RAPGEF5: variants seen among roughly 807,000 people sequenced by gnomAD.
RAPGEF5 encodes the protein Rap guanine nucleotide exchange factor 5, also known as M-Ras-regulated GEF.
RAPGEF5 carries 65 observed loss-of-function variants against 125.2 expected under a neutral mutation model. The observed-to-expected ratio is 0.52, with a 90% confidence interval of 0.43 to 0.64. RAPGEF5 has a LOEUF of 0.64. Among genes scored for constraint, RAPGEF5 ranks in the 30% least tolerant of loss-of-function variants. RAPGEF5 has a pLI of 0.00. For synonymous variants in RAPGEF5, 391 were observed against 385.9 expected, an observed-to-expected ratio of 1.01 and a Z score of -0.16; for missense variants, 958 against 1,048.1, an observed-to-expected ratio of 0.91 and a Z score of 1.19.
At chr7:22,160,419 A>C in intron 14 of RAPGEF5, 99 bp downstream of exon 14, 1 of 1,150,390 alleles carries the variant, frequency 8.7e-7, no homozygotes, top group Non-Finnish European at 1.2e-6. Flanking sequence ...CTGAGTCAAA[A>C]TGTTCAAAAT....
intron 7 of RAPGEF5, among the ~76,000 whole-genome samples, chr7:22,257,012 C>T (rs578025180): frequency 1.4e-4 from 22 of 152,264 alleles, no homozygotes; most frequent in East Asian, 5.8e-4. Context: ...ATAAAACCTA[C>T]ACTGATTGGC....
At chr7:22,326,117 T>C (rs1783809700) in intron 1 of RAPGEF5, among the ~76,000 whole-genome samples, 2 of 152,024 alleles carry the variant, frequency 1.3e-5, no homozygotes, top group African/African-American at 2.4e-5. Context: ...AATTTGTACA[T>C]AGATTTTTGA....
intron 2 of RAPGEF5, among the ~76,000 whole-genome samples, chr7:22,317,673 CTATAT>C: frequency 6.6e-6 from 1 of 152,136 alleles, no homozygotes. Context: ...TTAACAATAG[CTATAT>C]TATATTTATA....
intron 11 of RAPGEF5, among the ~76,000 whole-genome samples, chr7:22,169,191 T>C (rs1490502224): frequency 6.6e-6 from 1 of 152,132 alleles, no homozygotes; most frequent in African/African-American, 2.4e-5. Context: ...GCACAGCCTG[T>C]GTACGCAGAA....
chr7:22,149,047 G>A (rs923676257), intron 18 of RAPGEF5, among the ~76,000 whole-genome samples: 2 of 152,172 alleles, frequency 1.3e-5, no homozygotes, highest in Non-Finnish European at 2.9e-5. Flanking sequence ...ATGTGCAGGG[G>A]CTTCAGAGTC....
chr7:22,282,555 A>G (rs1324860696), intron 6 of RAPGEF5, among the ~76,000 whole-genome samples: 1 of 152,216 alleles, frequency 6.6e-6, no homozygotes, highest in Non-Finnish European at 1.5e-5. Context: ...CCACATAGAT[A>G]TTATTTTTAA....
chr7:22,151,768 C>T (rs1333806164), intron 17 of RAPGEF5, among the ~76,000 whole-genome samples: 1 of 152,138 alleles, frequency 6.6e-6, no homozygotes, highest in Admixed American at 6.6e-5. Flanking sequence ...CCAGTCTGAT[C>T]ATTACTTTTG....
At chr7:22,284,141 G>A (rs896110826) in intron 6 of RAPGEF5, among the ~76,000 whole-genome samples, 14 of 151,994 alleles carry the variant, frequency 9.2e-5, no homozygotes, top group Non-Finnish European at 2.1e-4. Flanking sequence ...CTATTACCAG[G>A]ACGAAGATAC....
At chr7:22,351,759 A>G (rs1040908217) in intron 1 of RAPGEF5, among the ~76,000 whole-genome samples, 1 of 152,252 alleles carries the variant, frequency 6.6e-6, no homozygotes, top group African/African-American at 2.4e-5. Flanking sequence ...ACGGCGATAC[A>G]TTGGGCATAC....
intron 7 of RAPGEF5, among the ~76,000 whole-genome samples, chr7:22,248,706 A>G (rs1786542622): frequency 6.6e-6 from 1 of 152,174 alleles, no homozygotes; most frequent in South Asian, 2.1e-4. Context: ...TCTGCTCTGT[A>G]AGGCCTCTCA....
chr7:22,328,557 T>C (rs894302310), intron 1 of RAPGEF5, among the ~76,000 whole-genome samples: 1 of 152,246 alleles, frequency 6.6e-6, no homozygotes, highest in Non-Finnish European at 1.5e-5. Flanking sequence ...AATCCTGTAA[T>C]TGACACTAAA....
intron 5 of RAPGEF5, among the ~76,000 whole-genome samples, chr7:22,296,756 A>C (rs1783071747): frequency 6.6e-6 from 1 of 152,198 alleles, no homozygotes; most frequent in East Asian, 1.9e-4. Flanking sequence ...CAAAGCACTG[A>C]AACACAGTTA....
chr7:22,354,087 AAAC>A (rs778472031), intron 1 of RAPGEF5, among the ~76,000 whole-genome samples: 3 of 152,054 alleles, frequency 2.0e-5, no homozygotes, highest in African/African-American at 2.4e-5. Flanking sequence ...AAACAAAACA[AAAC>A]AACAACAACA....
At chr7:22,181,631 T>G (rs543982611) in intron 11 of RAPGEF5, among the ~76,000 whole-genome samples, 11 of 152,186 alleles carry the variant, frequency 7.2e-5, no homozygotes, top group Non-Finnish European at 1.3e-4. Flanking sequence ...GGATTTTGGT[T>G]GTTGTTGTTT....
chr7:22,329,080 T>C (rs1301854720), intron 1 of RAPGEF5, among the ~76,000 whole-genome samples: 1 of 152,260 alleles, frequency 6.6e-6, no homozygotes, highest in East Asian at 1.9e-4. Flanking sequence ...GCATAATTAC[T>C]GTAAGAGGTG....
chr7:22,206,096 C>T (rs16873151), intron 9 of RAPGEF5, among the ~76,000 whole-genome samples: 5,204 of 152,190 alleles, frequency 0.034, 207 homozygotes, highest in South Asian at 0.16. Flanking sequence ...ATGGATATTG[C>T]AGAATCTGGG....
At chr7:22,178,741 T>C (rs1784586049) in intron 11 of RAPGEF5, among the ~76,000 whole-genome samples, 1 of 152,216 alleles carries the variant, frequency 6.6e-6, no homozygotes, top group Non-Finnish European at 1.5e-5. Flanking sequence ...TTTCATTGTT[T>C]AGAGTTTTTA....
chr7:22,340,259 A>G (rs1440981643), intron 1 of RAPGEF5, among the ~76,000 whole-genome samples: 2 of 152,222 alleles, frequency 1.3e-5, no homozygotes, highest in African/African-American at 4.8e-5. Context: ...CTGGGAAAAC[A>G]GCCCACCAGA....
intron 11 of RAPGEF5, among the ~76,000 whole-genome samples, chr7:22,190,247 G>C (rs1027020006): frequency 9.4e-5 from 13 of 138,810 alleles, no homozygotes; most frequent in Non-Finnish European, 1.6e-4. Context: ...ACTCCAGCCT[G>C]GGTGACAGAC....
Sources: allele counts gnomAD v4.1 joint callset (sites outside exome capture counted in the v4.1 genomes callset), GRCh38; gene constraint gnomAD v4.1.1; transcripts MANE v1.5; gene names NCBI Gene and HGNC (gene_info 2026-07-23, HGNC 2026-07-21).